The following PRODH2 variants were observed in gnomAD, a reference collection of about 807,000 sequenced individuals.
The protein encoded by PRODH2 is proline dehydrogenase 2.
Under a neutral mutation model 51.9 loss-of-function variants are expected in PRODH2, and 49 were observed. The observed-to-expected ratio is 0.94, with a 90% CI of 0.75 to 1.20. The LOEUF is 1.20. Among genes scored for constraint, PRODH2 ranks in the 50% most tolerant of loss-of-function variants. The pLI, the probability that PRODH2 is intolerant of heterozygous loss-of-function variation, is 0.00. For missense variants in PRODH2, 597 were observed against 610.9 expected (o/e 0.98, Z 0.24); for synonymous variants, 249 against 260.7 (o/e 0.96, Z 0.43).
In PRODH2 at chr19:35,800,402, C is replaced by G. The variant is rs150300323; in HGVS notation, c.1199-180G>C. ...TGGCTGGGATTATAGGCGCTTGCCA[C>G]GACGCCCGGCTCATTTTTGTATTTT... On this transcript the variant is annotated intron_variant, in intron 9 of 9. Coordinates refer to ENST00000653904, the MANE Select transcript of PRODH2 (RefSeq NM_021232.2). Among the ~76,000 whole-genome samples the G allele has an allele frequency of 2.8e-4, 43 of 152,258 alleles. 1 individual carries two copies. The highest frequency in any genetic ancestry group is 6.8e-3 in the Middle Eastern group (2 of 294).
intron 4 of PRODH2, among the ~76,000 whole-genome samples, chr19:35,807,451 C>A (rs1386359577): frequency 6.6e-6 from 1 of 151,974 alleles, no homozygotes; most frequent in South Asian, 2.1e-4. Context: ...TACAGGCGCC[C>A]GCCACCATGC....
intron 8 of PRODH2, 48 bp from the exon 9 acceptor site, chr19:35,802,324 G>A (rs780306646): frequency 1.3e-6 from 2 of 1,567,434 alleles, no homozygotes; most frequent in Non-Finnish European, 1.8e-6. Context: ...TGCATCTACA[G>A]CTTAAAGTCA....
At position 35,800,096 on chromosome 19, in the gene PRODH2, A is replaced by G; in HGVS notation, c.1325T>C (p.Leu442Pro). 1 of 1,612,014 alleles carries G rather than the reference A, an allele frequency of 6.2e-7. No homozygotes were observed. The highest frequency in any genetic ancestry group is 8.5e-7 in the Non-Finnish European group (1 of 1,179,174). Residue 442 changes from leucine to proline, a missense_variant, in exon 10 of 10, where the codon CTG becomes CCG. Transcript: ENST00000653904. ...VLQGARREQELLSQELWRRLL... is the reference protein window; with the variant it reads ...VLQGARREQEPLSQELWRRLL... ...CCGCCGCCACAGTTCTTGGCTGAGC[A>G]GCTCCTGTTCCCTGCGGGCACCCTG...
At chr19:35,802,376 T>C (rs1294459772) in intron 8 of PRODH2, 100 bp from the exon 9 acceptor site, 1 of 1,030,238 alleles carries the variant, frequency 9.7e-7, no homozygotes, top group African/African-American at 1.6e-5. Flanking sequence ...ATTCAAACAT[T>C]GAAGTATTTC....
At chr19:35,800,277 T>C in intron 9 of PRODH2, 55 bp from the exon 10 acceptor site, 1 of 1,449,310 alleles carries the variant, frequency 6.9e-7, no homozygotes, top group South Asian at 1.4e-5. Context: ...TGAGACAGAG[T>C]CTCGCTCTGT....
intron 5 of PRODH2, 85 bp downstream of exon 5, chr19:35,806,956 G>T: frequency 6.5e-7 from 1 of 1,541,636 alleles, no homozygotes; most frequent in South Asian, 1.2e-5. Flanking sequence ...GGAGGTGCTG[G>T]TTCCAGCAGG....
intron 4 of PRODH2, among the ~76,000 whole-genome samples, chr19:35,807,936 G>A (rs886747759): frequency 3.3e-5 from 5 of 151,662 alleles, no homozygotes; most frequent in South Asian, 2.1e-4. Context: ...CCACCATGCC[G>A]GGCTAATTCT....
chr19:35,810,380 G>A (rs1231279348), intron 4 of PRODH2, among the ~76,000 whole-genome samples: 2 of 151,938 alleles, frequency 1.3e-5, no homozygotes, highest in Non-Finnish European at 2.9e-5. Flanking sequence ...GTTTGGGAGG[G>A]TGGAGACACA....
At chr19:35,809,172 C>T (rs905696092) in intron 4 of PRODH2, among the ~76,000 whole-genome samples, 22 of 151,472 alleles carry the variant, frequency 1.5e-4, no homozygotes, top group African/African-American at 9.7e-5. Context: ...TTTCTTTCTT[C>T]GCTCTCAAAC....
At chr19:35,811,264 G>C (rs1383409595) in intron 4 of PRODH2, among the ~76,000 whole-genome samples, 1 of 151,792 alleles carries the variant, frequency 6.6e-6, no homozygotes, top group African/African-American at 2.4e-5. Context: ...CATTATACAA[G>C]ACGGCAGGCT....
intron 4 of PRODH2, among the ~76,000 whole-genome samples, chr19:35,807,927 C>T (rs1423471765): frequency 6.6e-6 from 1 of 151,936 alleles, no homozygotes; most frequent in African/African-American, 2.4e-5. Context: ...AGGCACCCAC[C>T]ACCATGCCGG....
intron 4 of PRODH2, among the ~76,000 whole-genome samples, chr19:35,811,746 C>T (rs958684702): frequency 1.2e-4 from 19 of 152,308 alleles, no homozygotes; most frequent in Non-Finnish European, 2.6e-4. Flanking sequence ...CTATCCCAAT[C>T]CCTCCTCTGA....
Position 35,808,824 on chromosome 19 carries a change from T to C in PRODH2, c.598-1703A>G, listed in dbSNP as rs1323048549. On this transcript the variant is annotated intron_variant, in intron 4 of 9. Transcript: ENST00000653904. ...TCCTTCCTTCCTTCTTTTTTTTTTT[T>C]TTTTGAGATAGATCTCACTCTGTCT... 2.0e-5 allele frequency among the ~76,000 whole-genome samples: 3 copies of C among 149,352 alleles called. No individual in the cohort carries two copies. The East Asian group carries it at 5.9e-4, about 29-fold the overall frequency.
chr19:35,806,894 C>T, intron 5 of PRODH2, 64 bp from the exon 6 acceptor site: 2 of 1,551,840 alleles, frequency 1.3e-6, no homozygotes, highest in Non-Finnish European at 1.7e-6. Context: ...GAGCCAGATC[C>T]CAGCAGGAGG....
At chr19:35,800,323 C>T (rs1403466496) in intron 9 of PRODH2, 101 bp from the exon 10 acceptor site, 12 of 1,100,262 alleles carry the variant, frequency 1.1e-5, no homozygotes, top group Middle Eastern at 6.2e-4. Context: ...AATCTCAGCT[C>T]ACTGCAAGCT....
At chr19:35,809,028 C>T (rs974675396) in intron 4 of PRODH2, among the ~76,000 whole-genome samples, 2 of 151,098 alleles carry the variant, frequency 1.3e-5, no homozygotes. Flanking sequence ...GATCCAGCCC[C>T]ACTTAGCCTC....
In PRODH2 at chr19:35,803,049, G is replaced by A. The variant is rs767721964; in HGVS notation, c.1031C>T (p.Thr344Met). The A allele has an allele frequency of 1.7e-5, 27 of 1,562,048 alleles. No individual in the cohort carries two copies. The highest frequency in any genetic ancestry group is 9.3e-5 in the Admixed American group (5 of 53,718). The change falls in exon 8 of 10, where the codon ACG (threonine) becomes ATG (methionine). Residue 344 changes from threonine (T) to methionine (M), a missense_variant. Coordinates refer to ENST00000653904, the MANE Select transcript of PRODH2 (RefSeq NM_021232.2). Reference protein sequence around the residue: ...SYSRCLELMLTHVARHGPMCH... With the variant: ...SYSRCLELMLMHVARHGPMCH... ...CATGGGGCCATGGCGGGCCACGTGC[G>A]TCAGCATCAGTTCCAGGCAGCGGCT...
chr19:35,812,295 G>A lies in PRODH2; in HGVS notation c.372-23C>T, dbSNP rs781707851. On this transcript the variant is annotated intron_variant, in intron 2 of 9. Transcript: ENST00000653904. ...TCACTGCCCAGCCAGCAGGTGTCAG[G>A]GCCCGAACAGCAAAGCCCCTTCCTG... The A allele has an allele frequency of 1.1e-5, 17 of 1,612,438 alleles. No homozygotes were observed. The South Asian group carries it at 1.6e-4, about 16-fold the overall frequency.
At chr19:35,809,776 T>C (rs918006917) in intron 4 of PRODH2, among the ~76,000 whole-genome samples, 1 of 146,822 alleles carries the variant, frequency 6.8e-6, no homozygotes, top group Non-Finnish European at 1.5e-5. Flanking sequence ...CTGGCCAACA[T>C]AGTGAAACCC....
Sources: gnomAD v4.1 joint callset for allele counts (sites outside exome capture counted in the v4.1 genomes callset) on GRCh38, gnomAD v4.1.1 for gene constraint, MANE v1.5 for transcripts, NCBI Gene and HGNC (gene_info 2026-07-23, HGNC 2026-07-21) for gene names.